The following SORCS2 variants were observed in gnomAD, a reference collection of about 807,000 sequenced individuals.
SORCS2 encodes the protein sortilin related VPS10 domain containing receptor 2.
Under a neutral mutation model 141.6 loss-of-function variants are expected in SORCS2, and 100 were observed. The observed-to-expected ratio is 0.71, with a 90% CI of 0.60 to 0.83. The LOEUF (loss-of-function observed/expected upper bound fraction) is 0.83, where lower values mean the gene tolerates loss of function less well. Ranked by LOEUF, SORCS2 falls within the 40% of genes least tolerant of loss-of-function variation. SORCS2 has a pLI of 0.00. For synonymous variants in SORCS2, 789 were observed against 676.9 expected, an observed-to-expected ratio of 1.17 and a Z score of -2.57; for missense variants, 1,646 against 1,560.2, an observed-to-expected ratio of 1.05 and a Z score of -0.93.
intron 2 of SORCS2, among the ~76,000 whole-genome samples, chr4:7,456,911 C>G (rs887150148): frequency 6.6e-6 from 1 of 152,000 alleles, no homozygotes; most frequent in Non-Finnish European, 1.5e-5. Context: ...GGCTTCACTG[C>G]TCCACGCTCC....
chr4:7,433,154 A>G, intron 2 of SORCS2: 2 of 696,098 alleles, frequency 2.9e-6, no homozygotes, highest in Non-Finnish European at 4.1e-6. Context: ...TTGTTAAGAG[A>G]GAGGCTTTCG....
intron 3 of SORCS2, among the ~76,000 whole-genome samples, chr4:7,547,405 C>A (rs1278724108): frequency 6.6e-6 from 1 of 152,220 alleles, no homozygotes; most frequent in African/African-American, 2.4e-5. Flanking sequence ...GAGCCTTTTG[C>A]CAGCCTTCTG....
At chr4:7,656,251 C>T (rs556606976) in intron 5 of SORCS2, among the ~76,000 whole-genome samples, 178 of 152,342 alleles carry the variant, frequency 1.2e-3, no homozygotes, top group African/African-American at 4.0e-3. Context: ...AGGGAGCAGC[C>T]CCAGGTGCCC....
chr4:7,725,331 C>A (rs760754969), intron 20 of SORCS2, 44 bp downstream of exon 20: 3 of 1,589,554 alleles, frequency 1.9e-6, no homozygotes, highest in Non-Finnish European at 2.6e-6. Context: ...CCCGCAGGCT[C>A]CCCACAAGCT....
At chr4:7,283,485 G>A (rs953102521) in intron 1 of SORCS2, among the ~76,000 whole-genome samples, 3 of 152,164 alleles carry the variant, frequency 2.0e-5, no homozygotes, top group Admixed American at 6.5e-5. Flanking sequence ...GCCTCAGGGC[G>A]GGGGTCTGGA....
At chr4:7,260,671 T>C (rs1466500313) in intron 1 of SORCS2, among the ~76,000 whole-genome samples, 1 of 152,080 alleles carries the variant, frequency 6.6e-6, no homozygotes, top group African/African-American at 2.4e-5. Context: ...CACAGAGAGT[T>C]AAGGGGCAGC....
At chr4:7,598,984 G>A (rs1717472229) in intron 3 of SORCS2, among the ~76,000 whole-genome samples, 1 of 152,230 alleles carries the variant, frequency 6.6e-6, no homozygotes, top group South Asian at 2.1e-4. Flanking sequence ...GCCCTTGCAG[G>A]CGGCAGGGTT....
intron 3 of SORCS2, among the ~76,000 whole-genome samples, chr4:7,558,763 A>T (rs1438082280): frequency 6.6e-6 from 1 of 152,032 alleles, no homozygotes; most frequent in Non-Finnish European, 1.5e-5. Context: ...AGGCCAACTC[A>T]TACACCCCCT....
chr4:7,734,201 G>A lies in SORCS2; in HGVS notation c.3209-71G>A, dbSNP rs1196244821. 128 of 1,175,964 alleles carry A rather than the reference G, an allele frequency of 1.1e-4. 1 individual carries two copies. In the East Asian group the frequency reaches 2.0e-3, roughly 18 times the overall value. 72.8% of individuals were successfully genotyped at this position (1,175,964 alleles called of 1,614,324 possible). On this transcript the variant is annotated intron_variant, in intron 24 of 26. Coordinates refer to ENST00000507866, the MANE Select transcript of SORCS2 (RefSeq NM_020777.3). ...GGCTGGGGACGGGTGGGGGACAGAC[G>A]GGATGGGCTGGGGATGGGACAGGGA... is the stretch of plus-strand genomic sequence containing the variant.
chr4:7,529,109 C>G (rs11940680), intron 2 of SORCS2, among the ~76,000 whole-genome samples: 6 of 152,110 alleles, frequency 3.9e-5, no homozygotes, highest in Admixed American at 2.6e-4. Flanking sequence ...AATCCACACT[C>G]ATGGGTTCTG....
chr4:7,678,118 C>T (rs555408077), intron 9 of SORCS2, among the ~76,000 whole-genome samples: 30 of 152,348 alleles, frequency 2.0e-4, no homozygotes, highest in Non-Finnish European at 3.4e-4. Flanking sequence ...AGCAGGAAGA[C>T]GGCTCCCAGC....
chr4:7,341,695 T>G (rs772650867), intron 1 of SORCS2, among the ~76,000 whole-genome samples: 1 of 152,220 alleles, frequency 6.6e-6, no homozygotes, highest in Non-Finnish European at 1.5e-5. Flanking sequence ...CTTTTCTTCT[T>G]TATTGACATG....
intron 2 of SORCS2, among the ~76,000 whole-genome samples, chr4:7,435,602 A>G (rs371899464): frequency 2.0e-5 from 3 of 152,246 alleles, no homozygotes; most frequent in Non-Finnish European, 2.9e-5. Flanking sequence ...AGAAATGTCA[A>G]TCAAAGGCTG....
At chr4:7,569,572 T>A (rs1030863886) in intron 3 of SORCS2, among the ~76,000 whole-genome samples, 1 of 152,196 alleles carries the variant, frequency 6.6e-6, no homozygotes, top group African/African-American at 2.4e-5. Flanking sequence ...GTGTGTACAA[T>A]ATGCCCATTT....
chr4:7,401,086 C>G (rs946530430), intron 2 of SORCS2, among the ~76,000 whole-genome samples: 12 of 136,176 alleles, frequency 8.8e-5, no homozygotes, highest in East Asian at 6.9e-4. Flanking sequence ...TGGATGGATA[C>G]ATGGATAGAT....
chr4:7,695,503 A>G (rs1484756884), intron 11 of SORCS2, among the ~76,000 whole-genome samples: 368 of 3,980 alleles, frequency 0.092, no homozygotes, highest in Middle Eastern at 0.25. Context: ...TGGGTGGGTG[A>G]GTGGATGGGT....
At position 7,741,717 on chromosome 4, in the gene SORCS2, G is replaced by A. The variant is rs144699420; in HGVS notation, c.*1453G>A. 51 of 157,918 alleles carry A rather than the reference G, an allele frequency of 3.2e-4. No homozygotes were observed. Among genetic ancestry groups the A allele is most frequent in the Non-Finnish European group, 6.5e-4 (47 of 72,124 alleles). The allele number at this position is 157,918 out of a possible 1,614,324, so 9.8% of individuals were successfully genotyped here. ...AGGGTCCCTCTCAGAAAGGGAGAAC[G>A]CCAGAGCCCTGGCTGGTGACATGCT... On this transcript the variant is annotated 3_prime_UTR_variant, in exon 27 of 27. Transcript: ENST00000507866.
At chr4:7,242,297 G>T (rs1712755542) in intron 1 of SORCS2, among the ~76,000 whole-genome samples, 1 of 152,104 alleles carries the variant, frequency 6.6e-6, no homozygotes, top group Non-Finnish European at 1.5e-5. Flanking sequence ...CTAGGCTCAA[G>T]GGATTATCCA....
At chr4:7,507,474 G>C (rs998517357) in intron 2 of SORCS2, among the ~76,000 whole-genome samples, 1 of 152,178 alleles carries the variant, frequency 6.6e-6, no homozygotes, top group East Asian at 1.9e-4. Flanking sequence ...GTGCCTGGCC[G>C]ATAAATTCTT....
Sources: gnomAD v4.1 joint callset for allele counts (sites outside exome capture counted in the v4.1 genomes callset) on GRCh38, gnomAD v4.1.1 for gene constraint, MANE v1.5 for transcripts, NCBI Gene and HGNC (gene_info 2026-07-23, HGNC 2026-07-21) for gene names.